CD44: variants seen among roughly 807,000 people sequenced by gnomAD.
CD44 encodes the protein CD44 molecule (IN blood group), also known as CD44 antigen.
CD44 carries 49 observed loss-of-function variants against 88.8 expected under a neutral mutation model. That is an observed-to-expected ratio of 0.55 (90% confidence interval 0.44 to 0.70). The LOEUF (loss-of-function observed/expected upper bound fraction) is 0.70, where lower values mean the gene tolerates loss of function less well. Ranked by LOEUF, CD44 falls within the 30% of genes least tolerant of loss-of-function variation. CD44 has a pLI of 0.00. For synonymous variants in CD44, 325 were observed against 312.3 expected (o/e 1.04, Z -0.43); for missense variants, 883 against 913.8 (o/e 0.97, Z 0.43).
At chr11:35,167,283 T>C (rs1943402767) in intron 1 of CD44, among the ~76,000 whole-genome samples, 2 of 152,142 alleles carry the variant, frequency 1.3e-5, no homozygotes, top group Non-Finnish European at 2.9e-5. Context: ...TTTGTTTTTG[T>C]TTTTTGTTTG....
chr11:35,158,280 C>A (rs1225011497), intron 1 of CD44, among the ~76,000 whole-genome samples: 1 of 152,160 alleles, frequency 6.6e-6, no homozygotes, highest in Admixed American at 6.5e-5. Context: ...TTACTCCAGC[C>A]CACATAATTG....
intron 1 of CD44, among the ~76,000 whole-genome samples, chr11:35,149,434 G>T (rs971578949): frequency 1.3e-5 from 2 of 152,218 alleles, no homozygotes; most frequent in Non-Finnish European, 2.9e-5. Flanking sequence ...AGCAGCGTGA[G>T]CTTGGGCAGT....
At chr11:35,158,362 A>G (rs1264415263) in intron 1 of CD44, among the ~76,000 whole-genome samples, 1 of 152,296 alleles carries the variant, frequency 6.6e-6, no homozygotes, top group South Asian at 2.1e-4. Flanking sequence ...AGCCGTATGA[A>G]TTGCAGAGAT....
intron 17 of CD44, chr11:35,222,657 G>A: frequency 1.2e-6 from 1 of 845,942 alleles, no homozygotes; most frequent in Non-Finnish European, 1.4e-6. Context: ...TCTAGCAACA[G>A]AGGAAATGAC....
intron 1 of CD44, among the ~76,000 whole-genome samples, chr11:35,153,942 T>G (rs1034855262): frequency 2.0e-5 from 3 of 152,114 alleles, no homozygotes; most frequent in African/African-American, 7.2e-5. Flanking sequence ...GAAAAAAAAT[T>G]TTACTCCTCA....
At chr11:35,198,292 G>A in intron 7 of CD44, 46 bp downstream of exon 7, 1 of 1,583,010 alleles carries the variant, frequency 6.3e-7, no homozygotes, top group Non-Finnish European at 8.6e-7. Flanking sequence ...AAGGCTTATT[G>A]ATTAATCTGA....
At chr11:35,173,578 A>T (rs996620228) in intron 1 of CD44, among the ~76,000 whole-genome samples, 1 of 152,242 alleles carries the variant, frequency 6.6e-6, no homozygotes, top group African/African-American at 2.4e-5. Context: ...TGATGCAAAC[A>T]AAAGAAAATA....
intron 1 of CD44, among the ~76,000 whole-genome samples, chr11:35,145,650 C>G (rs1479134807): frequency 6.6e-6 from 1 of 152,206 alleles, no homozygotes; most frequent in Non-Finnish European, 1.5e-5. Context: ...CAGCAGCCAC[C>G]TTGGGGTTCT....
chr11:35,139,345 C>G lies in CD44; in HGVS notation c.42C>G (p.Leu14=), dbSNP rs529030568. 4.5e-6 allele frequency: 7 copies of G among 1,561,674 alleles called. No homozygotes were observed. In the South Asian group the frequency reaches 7.1e-5, roughly 16 times the overall value. ...GGCACGCAGCCTGGGGACTCTGCCT[C>G]GTGCCGCTGAGCCTGGCGCAGATCG... is the stretch of plus-strand genomic sequence containing the variant. ...FWWHAAWGLC[L]VPLSLAQIDL... is the part of the protein sequence containing the mutation. The change falls in exon 1 of 18, where the codon CTC becomes CTG. Residue 14 remains leucine (L), a synonymous_variant. Coordinates refer to ENST00000428726, the MANE Select transcript of CD44 (RefSeq NM_000610.4).
At chr11:35,228,801 C>G (rs1171441503) in intron 17 of CD44, among the ~76,000 whole-genome samples, 2 of 152,176 alleles carry the variant, frequency 1.3e-5, no homozygotes, top group African/African-American at 4.8e-5. Flanking sequence ...TGCAGAGAAG[C>G]CACAGATCCT....
In CD44 at chr11:35,206,176, C is replaced by T. The variant is rs1947819335; in HGVS notation, c.1347C>T (p.Ser449=). ...CAACACCAAGCCCAGAGGACAGTTC[C>T]TGGACTGATTTCTTCAACCCAATCT... ...GRTTPSPEDS[S]WTDFFNPISH... is the part of the protein sequence containing the mutation. Residue 449 remains serine (S), a synonymous_variant, in exon 11 of 18, where the codon TCC becomes TCT. Transcript: ENST00000428726. 3.1e-6 allele frequency: 5 copies of T among 1,612,666 alleles called. No individual in the cohort carries two copies. The Middle Eastern group carries it at 8.3e-4, about 266-fold the overall frequency.
chr11:35,229,540 G>A lies in CD44; in HGVS notation c.*207G>A, dbSNP rs1338731834. 1 of 545,208 alleles carries A rather than the reference G, an allele frequency of 1.8e-6. No homozygotes were observed. The highest frequency in any genetic ancestry group is 1.9e-5 in the African/African-American group (1 of 52,828). The allele number at this position is 545,208 out of a possible 1,614,324, so 33.8% of individuals were successfully genotyped here. A position where few individuals can be genotyped will look rare whatever the true frequency, so the allele number is the denominator to read the frequency against. The stretch of plus-strand genomic sequence containing the variant: ...AACAGCATTGCTTTCTGAAATTAGG[G>A]CCCAATTAATAATCAGCAAGAATTT... On this transcript the variant is annotated 3_prime_UTR_variant, in exon 18 of 18. Transcript: ENST00000428726.
At position 35,229,967 on chromosome 11, in the gene CD44, T is replaced by C. The variant is rs1258345166; in HGVS notation, c.*634T>C. ...AGTATAATTTTTTAAAGTTACTTTGTCAGAGGCACAAAAGGGTTTAAACTG... is the reference window on the plus strand; with the variant it reads ...AGTATAATTTTTTAAAGTTACTTTGCCAGAGGCACAAAAGGGTTTAAACTG... On this transcript the variant is annotated 3_prime_UTR_variant, in exon 18 of 18. Coordinates refer to ENST00000428726, the MANE Select transcript of CD44 (RefSeq NM_000610.4). 1 of 152,448 alleles carries C rather than the reference T, an allele frequency of 6.6e-6. No homozygotes were observed. The highest frequency in any genetic ancestry group is 1.9e-4 in the East Asian group (1 of 5,204). 9.4% of individuals were successfully genotyped at this position (152,448 alleles called of 1,614,324 possible). A position where few individuals can be genotyped will look rare whatever the true frequency, so the allele number is the denominator to read the frequency against.
chr11:35,223,724 G>A (rs748330941), intron 17 of CD44, among the ~76,000 whole-genome samples: 18 of 152,152 alleles, frequency 1.2e-4, no homozygotes, highest in Non-Finnish European at 1.9e-4. Flanking sequence ...GATTTGCCAC[G>A]CAGCTAAAAG....
rs201499346 is a variant in CD44 at position 35,204,650 on chromosome 11, G to A, written c.1282+10G>A. 3.0e-4 allele frequency: 483 copies of A among 1,611,396 alleles called. 3 individuals are homozygous for A. In the African/African-American group the frequency reaches 6.1e-3, roughly 20 times the overall value. Reference sequence around the variant, plus strand: ...ACAACAGGGACAGCTGGTAATGGATGGTTTAACAAGTAAATTTGGATGGAA... The same window carrying A: ...ACAACAGGGACAGCTGGTAATGGATAGTTTAACAAGTAAATTTGGATGGAA... On this transcript the variant is annotated intron_variant, in intron 10 of 17. Transcript: ENST00000428726.
At chr11:35,142,457 C>A (rs149498251) in intron 1 of CD44, among the ~76,000 whole-genome samples, 2,462 of 152,208 alleles carry the variant, frequency 0.016, 74 homozygotes, top group African/African-American at 0.057. Flanking sequence ...GAATTGCATG[C>A]CTGGTGTTGA....
At chr11:35,197,004 G>A in intron 6 of CD44, 130 bp downstream of exon 6, 1 of 853,230 alleles carries the variant, frequency 1.2e-6, no homozygotes, top group South Asian at 1.7e-5. Context: ...GACTTCAGAA[G>A]GATCATTAAC....
At chr11:35,152,929 T>C (rs1048975056) in intron 1 of CD44, among the ~76,000 whole-genome samples, 3 of 152,120 alleles carry the variant, frequency 2.0e-5, no homozygotes, top group South Asian at 2.1e-4. Context: ...GCTTAGAAGG[T>C]ATAAACTGAG....
chr11:35,188,303 C>T lies in CD44; in HGVS notation c.436+1403C>T, dbSNP rs575109608. ...GGGAGGCTTCACACCATGATGGCTA[C>T]GACATGAGATGTGCTGTCTCAGCAG... On this transcript the variant is annotated intron_variant, in intron 4 of 17. Transcript: ENST00000428726. 8.6e-4 allele frequency among the ~76,000 whole-genome samples: 131 copies of T among 152,264 alleles called. 2 individuals are homozygous for T. The South Asian group carries it at 0.024, about 28-fold the overall frequency.
Sources: gnomAD v4.1 joint callset for allele counts (sites outside exome capture counted in the v4.1 genomes callset) on GRCh38, gnomAD v4.1.1 for gene constraint, MANE v1.5 for transcripts, NCBI Gene and HGNC (gene_info 2026-07-23, HGNC 2026-07-21) for gene names.